The following SLC35D4 variants were observed in gnomAD, a reference collection of about 807,000 sequenced individuals.
SLC35D4 encodes the protein solute carrier family 35 member D4.
chr18:23,277,240 G>A, the SLC35D4 span, among the ~76,000 whole-genome samples: 1 of 152,164 alleles, frequency 6.6e-6, no homozygotes, highest in Non-Finnish European at 1.5e-5. Flanking sequence ...TGAATCATGG[G>A]GGCGGTTTCA....
chr18:23,240,007 A>G, the SLC35D4 span, among the ~76,000 whole-genome samples: 1 of 152,218 alleles, frequency 6.6e-6, no homozygotes, highest in East Asian at 1.9e-4. Context: ...AGTCCCAGCT[A>G]CTGGAGAGGC....
the SLC35D4 span, among the ~76,000 whole-genome samples, chr18:23,341,274 T>A: frequency 6.6e-6 from 1 of 152,230 alleles, no homozygotes; most frequent in East Asian, 1.9e-4. Flanking sequence ...ATAATAGTGA[T>A]AACAACCTAA....
chr18:23,422,451 T>G, the SLC35D4 span, among the ~76,000 whole-genome samples: 1 of 152,124 alleles, frequency 6.6e-6, no homozygotes, highest in Admixed American at 6.5e-5. Context: ...ATCCTATTGA[T>G]TTTATTTATC....
At chr18:23,427,961 T>C in the SLC35D4 span, among the ~76,000 whole-genome samples, 11 of 152,054 alleles carry the variant, frequency 7.2e-5, no homozygotes, top group East Asian at 1.4e-3. Context: ...TAGGTGGGAA[T>C]TGAACAATGA....
At chr18:23,431,153 C>CAAAAAAAAAAAAAAAAAAAAAAAAACAA in the SLC35D4 span, among the ~76,000 whole-genome samples, 1 of 66,250 alleles carries the variant, frequency 1.5e-5, no homozygotes, top group African/African-American at 6.3e-5. Context: ...GAGTATATCT[C>CAAAAAAAAAAAAAAAAAAAAAAAAACAA]AAAAAAAAAA....
chr18:23,385,818 G>C, the SLC35D4 span, among the ~76,000 whole-genome samples: 1 of 152,090 alleles, frequency 6.6e-6, no homozygotes, highest in Non-Finnish European at 1.5e-5. Flanking sequence ...CAAAAGTCTA[G>C]GGGCGCCATA....
At chr18:23,293,350 G>C in the SLC35D4 span, among the ~76,000 whole-genome samples, 13 of 152,144 alleles carry the variant, frequency 8.5e-5, no homozygotes, top group South Asian at 4.1e-4. Flanking sequence ...CGTTACAAAA[G>C]GTAAAGGGAA....
chr18:23,274,920 C>T, the SLC35D4 span, among the ~76,000 whole-genome samples: 3 of 151,732 alleles, frequency 2.0e-5, no homozygotes, highest in East Asian at 1.9e-4. Flanking sequence ...TGTGTGCTTG[C>T]GAGTGTGTGC....
At chr18:23,370,095 C>T in the SLC35D4 span, 1 of 764,362 alleles carries the variant, frequency 1.3e-6, no homozygotes, top group Middle Eastern at 3.8e-4. Context: ...AGGCGAATCG[C>T]TTGAACCCGG....
chr18:23,318,851 A>G, the SLC35D4 span, among the ~76,000 whole-genome samples: 6 of 150,114 alleles, frequency 4.0e-5, no homozygotes, highest in South Asian at 1.3e-3. Flanking sequence ...CTTCATAGTA[A>G]TTTTTTTTTT....
At chr18:23,392,127 G>A in the SLC35D4 span, among the ~76,000 whole-genome samples, 132 of 151,990 alleles carry the variant, frequency 8.7e-4, 2 homozygotes, top group South Asian at 0.016. Context: ...TAGTAGAGAC[G>A]GGGTTTTGCC....
the SLC35D4 span, among the ~76,000 whole-genome samples, chr18:23,316,125 C>G: frequency 6.6e-6 from 1 of 152,188 alleles, no homozygotes; most frequent in Non-Finnish European, 1.5e-5. Flanking sequence ...CTTCTATACC[C>G]TCCAACTCCA....
At chr18:23,298,979 T>C in the SLC35D4 span, among the ~76,000 whole-genome samples, 1 of 152,206 alleles carries the variant, frequency 6.6e-6, no homozygotes, top group East Asian at 1.9e-4. Context: ...GACACACACA[T>C]AGGCTGTTCA....
At chr18:23,410,866 C>A in the SLC35D4 span, among the ~76,000 whole-genome samples, 1 of 152,114 alleles carries the variant, frequency 6.6e-6, no homozygotes, top group South Asian at 2.1e-4. Flanking sequence ...AATGACCTGC[C>A]CTCCTTTACA....
At chr18:23,390,435 G>A in the SLC35D4 span, among the ~76,000 whole-genome samples, 2 of 152,136 alleles carry the variant, frequency 1.3e-5, no homozygotes, top group South Asian at 4.1e-4. Flanking sequence ...CATACTGCAG[G>A]AAAATGCATT....
At chr18:23,390,208 C>G in the SLC35D4 span, among the ~76,000 whole-genome samples, 1 of 152,116 alleles carries the variant, frequency 6.6e-6, no homozygotes, top group African/African-American at 2.4e-5. Context: ...CCTGACTCTT[C>G]ATGATTTGAA....
chr18:23,419,144 T>C, the SLC35D4 span, among the ~76,000 whole-genome samples: 3 of 152,186 alleles, frequency 2.0e-5, no homozygotes, highest in Non-Finnish European at 2.9e-5. Context: ...AACCTTAGCT[T>C]AGTTTTCTTT....
the SLC35D4 span, among the ~76,000 whole-genome samples, chr18:23,247,572 G>A: frequency 6.6e-6 from 1 of 152,226 alleles, no homozygotes; most frequent in Non-Finnish European, 1.5e-5. Context: ...GGTGCCTGCC[G>A]CTGTCGACAT....
At chr18:23,356,497 C>T in the SLC35D4 span, 1 of 1,254,228 alleles carries the variant, frequency 8.0e-7, no homozygotes, top group South Asian at 1.2e-5. The surrounding 1 kb of genome is among the most constrained non-coding windows in gnomAD (Gnocchi z 4.1). Context: ...TCTCTCCTGC[C>T]ACTCACTCAG....
Sources: gnomAD v4.1 joint callset for allele counts (sites outside exome capture counted in the v4.1 genomes callset) on GRCh38, gnomAD v4.1.1 for gene constraint, Gnocchi (gnomAD v3.1) non-coding constraint, MANE v1.5 for transcripts, NCBI Gene and HGNC (gene_info 2026-07-23, HGNC 2026-07-21) for gene names.